Variants in NTNG2 observed in about 807,000 individuals in gnomAD.
The protein encoded by NTNG2 is netrin-G2.
Under a neutral mutation model 47.6 loss-of-function variants are expected in NTNG2, and 15 were observed. That is an observed-to-expected ratio of 0.32 (90% CI 0.21 to 0.49). The LOEUF (loss-of-function observed/expected upper bound fraction) is 0.49. NTNG2 is among the 20% of genes least tolerant of loss of function. NTNG2 has a pLI of 0.99. For missense variants in NTNG2, 578 were observed against 764.6 expected (o/e 0.76, Z 2.88); for synonymous variants, 307 against 324.6 (o/e 0.95, Z 0.58).
At chr9:132,170,525 T>A (rs1479892280) in intron 2 of NTNG2, among the ~76,000 whole-genome samples, 2 of 152,186 alleles carry the variant, frequency 1.3e-5, no homozygotes, top group Non-Finnish European at 2.9e-5. Flanking sequence ...GGGCAACTGC[T>A]GCTTGCAGGA....
At position 132,239,493 on chromosome 9, in the gene NTNG2, T is replaced by A. The variant is rs145954602; in HGVS notation, c.1222+222T>A. Among the ~76,000 whole-genome samples the A allele has an allele frequency of 3.9e-5, 6 of 152,344 alleles. 1 individual carries two copies. In the East Asian group the frequency reaches 1.2e-3, roughly 29 times the overall value. On this transcript the variant is annotated intron_variant, in intron 6 of 7. Coordinates refer to ENST00000393229, the MANE Select transcript of NTNG2 (RefSeq NM_032536.4). ...TGCGGTTCTCCGGTAAGTTTTGCACTGGAGTTGCAAAACTTACCAGTGGCC... is the reference window on the plus strand; with the variant it reads ...TGCGGTTCTCCGGTAAGTTTTGCACAGGAGTTGCAAAACTTACCAGTGGCC...
At chr9:132,175,363 AGGGCAATTGAG>A (rs1359941650) in intron 2 of NTNG2, among the ~76,000 whole-genome samples, 2 of 152,182 alleles carry the variant, frequency 1.3e-5, no homozygotes, top group East Asian at 1.9e-4. Flanking sequence ...GAGGGGCAGG[AGGGCAATTGAG>A]GGGCAATTGA....
chr9:132,169,507 T>C (rs73658416), intron 2 of NTNG2, among the ~76,000 whole-genome samples: 4,300 of 152,320 alleles, frequency 0.028, 178 homozygotes, highest in East Asian at 0.091. Context: ...GGTCCTACTC[T>C]AATCTCATTT....
Position 132,231,922 on chromosome 9 carries a change from G to C in NTNG2, c.1054+1327G>C, listed in dbSNP as rs1024980243. On this transcript the variant is annotated intron_variant, in intron 5 of 7. Coordinates refer to ENST00000393229, the MANE Select transcript of NTNG2 (RefSeq NM_032536.4). The surrounding 1 kb of genome is among the most constrained non-coding windows in gnomAD (Gnocchi z 4.1). ...GGGGCTTGGCTCTTAGAATAGAGAC[G>C]CTAGAACCCTAGAGCTGGGAGGCCA... The C allele has an allele frequency of 6.5e-6, 1 of 153,762 alleles. No individual in the cohort carries two copies. Among genetic ancestry groups the C allele is most frequent in the African/African-American group, 2.4e-5 (1 of 41,466 alleles). The allele number at this position is 153,762 out of a possible 1,614,324, so 9.5% of individuals were successfully genotyped here. A position where few individuals can be genotyped will look rare whatever the true frequency, so the allele number is the denominator to read the frequency against.
chr9:132,196,856 C>A (rs796717109), intron 2 of NTNG2, among the ~76,000 whole-genome samples: 7 of 152,342 alleles, frequency 4.6e-5, no homozygotes, highest in African/African-American at 1.7e-4. Flanking sequence ...TCCTGCCTCC[C>A]GTACTTCTGT....
At position 132,197,866 on chromosome 9, in the gene NTNG2, G is replaced by A. The variant is rs997515915; in HGVS notation, c.214-100G>A. On this transcript the variant is annotated intron_variant, in intron 2 of 7. Coordinates refer to ENST00000393229, the MANE Select transcript of NTNG2 (RefSeq NM_032536.4). This position sits in a 1 kb window ranked among gnomAD's most constrained non-coding sequence, Gnocchi z 4.3. ...GCACAGGCCCTGTAGCCACAGAGCA[G>A]GTTTCTCGGTTCGCAGGCAGGGGCT... 3 of 1,159,176 alleles carry A rather than the reference G, an allele frequency of 2.6e-6. No homozygotes were observed. Among genetic ancestry groups the A allele is most frequent in the Non-Finnish European group, 3.6e-6 (3 of 831,886 alleles). 71.8% of individuals were successfully genotyped at this position (1,159,176 alleles called of 1,614,324 possible).
rs879489073 is a variant in NTNG2, at chr9:132,216,432, G to A, written c.858-10417G>A. On this transcript the variant is annotated intron_variant, in intron 3 of 7. Transcript: ENST00000393229. ...TCTCTCTCTGTGTGTGTGTGTATGT[G>A]TGTGTGTGTGTGTGTGTGTGTGTGT... Among the ~76,000 whole-genome samples, 36 of 88,068 alleles carry A rather than the reference G, an allele frequency of 4.1e-4. No homozygotes were observed. In the East Asian group the frequency reaches 9.4e-3, roughly 23 times the overall value. 57.8% of individuals were successfully genotyped at this position (88,068 alleles called of 152,430 possible). A position where few individuals can be genotyped will look rare whatever the true frequency, so the allele number is the denominator to read the frequency against.
chr9:132,183,721 T>C (rs1837119992), intron 2 of NTNG2, among the ~76,000 whole-genome samples: 1 of 152,190 alleles, frequency 6.6e-6, no homozygotes, highest in Non-Finnish European at 1.5e-5. Context: ...CTTCCCCACC[T>C]GTAGGTAAAA....
rs1408698730 is a variant in NTNG2 at position 132,218,951 on chromosome 9, G to A, written c.858-7898G>A. ...AGCTTTACCCAGATGTGATTCACAC[G>A]TTGTACAATCCACACATGTAAAGCG... On this transcript the variant is annotated intron_variant, in intron 3 of 7. Coordinates refer to ENST00000393229, the MANE Select transcript of NTNG2 (RefSeq NM_032536.4). This position sits in a 1 kb window ranked among gnomAD's most constrained non-coding sequence, Gnocchi z 5.4. Among the ~76,000 whole-genome samples the A allele has an allele frequency of 6.6e-6, 1 of 152,166 alleles. No homozygotes were observed. Among genetic ancestry groups the A allele is most frequent in the Non-Finnish European group, 1.5e-5 (1 of 68,046 alleles).
chr9:132,169,745 G>T (rs547446153), intron 2 of NTNG2, among the ~76,000 whole-genome samples: 43 of 152,344 alleles, frequency 2.8e-4, no homozygotes, highest in African/African-American at 9.9e-4. Flanking sequence ...TGCTGCCGTG[G>T]TACGTGCGGA....
At position 132,242,243 on chromosome 9, in the gene NTNG2, C is replaced by T. The variant is rs1382011661; in HGVS notation, c.*132C>T. The T allele has an allele frequency of 3.8e-6, 1 of 262,922 alleles. No homozygotes were observed. The highest frequency in any genetic ancestry group is 6.2e-6 in the Non-Finnish European group (1 of 160,698). 16.3% of individuals were successfully genotyped at this position (262,922 alleles called of 1,614,324 possible). ...CTCCCAGGTGCTACTCAGCAGGGCCCCCCGCCCGGCCCGCGCTCCCGCCCG... is the reference window on the plus strand; with the variant it reads ...CTCCCAGGTGCTACTCAGCAGGGCCTCCCGCCCGGCCCGCGCTCCCGCCCG... On this transcript the variant is annotated 3_prime_UTR_variant, in exon 8 of 8. Coordinates refer to ENST00000393229, the MANE Select transcript of NTNG2 (RefSeq NM_032536.4). This position sits in a 1 kb window ranked among gnomAD's most constrained non-coding sequence, Gnocchi z 5.9.
chr9:132,237,341 G>C (rs12003562), intron 5 of NTNG2, among the ~76,000 whole-genome samples: 2,581 of 152,284 alleles, frequency 0.017, 83 homozygotes, highest in African/African-American at 0.058. Context: ...GGCCCAGGGC[G>C]GCTCGGAAGC....
intron 2 of NTNG2, among the ~76,000 whole-genome samples, chr9:132,170,077 T>TTCAGCGGC (rs1167664208): frequency 4.1e-4 from 63 of 152,314 alleles, no homozygotes; most frequent in Middle Eastern, 6.8e-3. Context: ...TGGCAGGTGC[T>TTCAGCGGC]ACGTGTGTCC....
chr9:132,169,602 T>C (rs1835746350), intron 2 of NTNG2, among the ~76,000 whole-genome samples: 1 of 152,164 alleles, frequency 6.6e-6, no homozygotes, highest in African/African-American at 2.4e-5. Context: ...CCAAGGCCCA[T>C]GCCCACCCAC....
At chr9:132,223,693 C>A (rs765300602) in intron 3 of NTNG2, among the ~76,000 whole-genome samples, 31 of 152,260 alleles carry the variant, frequency 2.0e-4, no homozygotes, top group African/African-American at 2.9e-4. Context: ...ATGCCGCACA[C>A]CCCAGGCGGG....
intron 2 of NTNG2, among the ~76,000 whole-genome samples, chr9:132,196,517 A>G (rs1048234794): frequency 3.9e-5 from 6 of 152,176 alleles, no homozygotes; most frequent in Admixed American, 3.3e-4. Flanking sequence ...TGACTCATTC[A>G]TAATGGCATG....
intron 3 of NTNG2, among the ~76,000 whole-genome samples, chr9:132,220,634 A>G (rs1470939572): frequency 6.6e-6 from 1 of 151,952 alleles, no homozygotes; most frequent in African/African-American, 2.4e-5. Context: ...TTGTGATTTT[A>G]GTAGAGACGG....
chr9:132,192,791 G>A (rs1837996413), intron 2 of NTNG2, among the ~76,000 whole-genome samples: 1 of 152,216 alleles, frequency 6.6e-6, no homozygotes, highest in Admixed American at 6.5e-5. Flanking sequence ...AAGAGAAAGA[G>A]GGAGAGAGAA....
chr9:132,168,525 G>A (rs994046074), intron 2 of NTNG2, among the ~76,000 whole-genome samples: 1 of 152,214 alleles, frequency 6.6e-6, no homozygotes, highest in African/African-American at 2.4e-5. Flanking sequence ...TGTGGGTGGT[G>A]GCTGGGCCAG....
Sources: gnomAD v4.1 joint callset for allele counts (sites outside exome capture counted in the v4.1 genomes callset) on GRCh38, gnomAD v4.1.1 for gene constraint, Gnocchi (gnomAD v3.1) non-coding constraint, MANE v1.5 for transcripts, NCBI Gene and HGNC (gene_info 2026-07-23, HGNC 2026-07-21) for gene names.